INO80: variants seen among roughly 807,000 people sequenced by gnomAD.
INO80 encodes INO80 complex ATPase subunit.
In INO80, 20 loss-of-function variants were observed where a neutral mutation model predicts 203.4. That is an observed-to-expected ratio of 0.10 (90% CI 0.07 to 0.14). The LOEUF is 0.14. INO80 is among the 10% of genes least tolerant of loss of function. The pLI is 1.00. For synonymous variants in INO80, 726 were observed against 685.2 expected (o/e 1.06, Z -0.93); for missense variants, 1,419 against 1,914.4 (o/e 0.74, Z 4.83).
chr15:41,070,992 C>T (rs7173284), intron 12 of INO80, among the ~76,000 whole-genome samples: 4,206 of 152,214 alleles, frequency 0.028, 186 homozygotes, highest in African/African-American at 0.096. Flanking sequence ...AACATGGAGA[C>T]AGCCCGTTTC....
At chr15:40,995,320 G>A (rs2043867543) in intron 29 of INO80, among the ~76,000 whole-genome samples, 2 of 152,170 alleles carry the variant, frequency 1.3e-5, no homozygotes, top group Non-Finnish European at 2.9e-5. Context: ...TTCACCAGGT[G>A]GAAGAGGAGA....
At chr15:41,005,510 AT>A in intron 28 of INO80, 82 bp downstream of exon 28, 5 of 666,048 alleles carry the variant, frequency 7.5e-6, no homozygotes, top group Admixed American at 2.9e-5. Flanking sequence ...ATGTCCTGGC[AT>A]TTAAAAAAAA....
chr15:41,113,908 T>C (rs1409367477), intron 1 of INO80, among the ~76,000 whole-genome samples: 3 of 152,252 alleles, frequency 2.0e-5, no homozygotes, highest in African/African-American at 7.2e-5. Flanking sequence ...ATTGATTTGG[T>C]TTCTACTGAA....
intron 16 of INO80, 85 bp downstream of exon 16, chr15:41,058,554 T>TGTGTGTGTGTGTGTGC: frequency 1.0e-6 from 1 of 971,156 alleles, no homozygotes; most frequent in Non-Finnish European, 1.5e-6. Flanking sequence ...TACAAGTCTG[T>TGTGTGTGTGTGTGTGC]GTGTGTGTGT....
At chr15:41,114,747 C>T (rs2046005020) in intron 1 of INO80, among the ~76,000 whole-genome samples, 1 of 151,384 alleles carries the variant, frequency 6.6e-6, no homozygotes, top group Non-Finnish European at 1.5e-5. Flanking sequence ...CTGATACCTG[C>T]TACAACACGG....
chr15:41,030,186 T>G (rs941651580), intron 24 of INO80, among the ~76,000 whole-genome samples: 1 of 152,200 alleles, frequency 6.6e-6, no homozygotes, highest in African/African-American at 2.4e-5. Flanking sequence ...AATAAAAGAA[T>G]GAACATTTCC....
At chr15:41,026,423 C>T (rs752875805) in intron 25 of INO80, among the ~76,000 whole-genome samples, 6 of 151,708 alleles carry the variant, frequency 4.0e-5, no homozygotes, top group Middle Eastern at 3.4e-3. Flanking sequence ...AGCGGTGGTG[C>T]GCACCTGTAG....
intron 19 of INO80, among the ~76,000 whole-genome samples, chr15:41,053,305 C>G (rs1012799848): frequency 3.3e-5 from 5 of 152,080 alleles, no homozygotes; most frequent in Non-Finnish European, 7.4e-5. Flanking sequence ...CGGGGTTTCA[C>G]TGTGTTAGCC....
Position 41,070,551 on chromosome 15 carries a change from G to C in INO80, c.1606-4C>G. On this transcript the variant is annotated splice_region_variant and splice_polypyrimidine_tract_variant and intron_variant, in intron 12 of 35. Transcript: ENST00000648947. ...CAGCAAGAATGCCATTAATACCCTG[G>C]GGAAAAAAAATACATGGTCAACACC... 6.2e-7 allele frequency: 1 copy of C among 1,611,904 alleles called. No homozygotes were observed. The highest frequency in any genetic ancestry group is 1.7e-4 in the Middle Eastern group (1 of 6,058).
intron 29 of INO80, among the ~76,000 whole-genome samples, chr15:40,988,681 A>C (rs1449925983): frequency 1.3e-5 from 2 of 152,124 alleles, no homozygotes; most frequent in Non-Finnish European, 2.9e-5. Flanking sequence ...GGAGTTAGAG[A>C]CCAGCCTGGC....
chr15:41,037,107 A>G (rs1566922255), intron 24 of INO80, among the ~76,000 whole-genome samples: 1 of 151,892 alleles, frequency 6.6e-6, no homozygotes, highest in South Asian at 2.1e-4. Context: ...TATCTCAAAA[A>G]ACAAAACAAA....
intron 24 of INO80, among the ~76,000 whole-genome samples, chr15:41,033,802 A>G (rs1178801442): frequency 6.6e-6 from 1 of 152,210 alleles, no homozygotes; most frequent in Non-Finnish European, 1.5e-5. Context: ...CTGTAATCCC[A>G]GTACTCTGGG....
At chr15:41,064,410 C>T (rs1425510027) in intron 14 of INO80, among the ~76,000 whole-genome samples, 1 of 152,110 alleles carries the variant, frequency 6.6e-6, no homozygotes, top group East Asian at 1.9e-4. Flanking sequence ...GATAGGGTCT[C>T]GCCCTGTTGC....
chr15:41,065,771 A>C (rs2045199432), intron 14 of INO80, among the ~76,000 whole-genome samples: 1 of 152,192 alleles, frequency 6.6e-6, no homozygotes, highest in Middle Eastern at 3.2e-3. Flanking sequence ...TCAGTAAAAG[A>C]AGCCAGACAG....
intron 14 of INO80, among the ~76,000 whole-genome samples, chr15:41,064,140 T>C (rs554302647): frequency 2.6e-5 from 4 of 152,276 alleles, no homozygotes; most frequent in South Asian, 4.1e-4. Flanking sequence ...TTAACAAACT[T>C]TGACCTAAAT....
intron 24 of INO80, among the ~76,000 whole-genome samples, chr15:41,040,253 G>A (rs767618787): frequency 2.0e-5 from 3 of 152,038 alleles, no homozygotes; most frequent in Admixed American, 6.6e-5. Context: ...ATGAATACAC[G>A]AAGGGCTAAG....
intron 14 of INO80, 163 bp downstream of exon 14, chr15:41,069,407 T>A (rs1012855672): frequency 6.1e-5 from 29 of 478,856 alleles, no homozygotes; most frequent in Non-Finnish European, 9.9e-5. Flanking sequence ...CCTGACCTCG[T>A]GATCCACCCA....
chr15:41,111,817 AC>A (rs1226994940), intron 1 of INO80, among the ~76,000 whole-genome samples: 1 of 151,792 alleles, frequency 6.6e-6, no homozygotes, highest in African/African-American at 2.4e-5. Flanking sequence ...AAAAAAAAAA[AC>A]GTTTTTGCGG....
At chr15:41,072,660 A>AG (rs1205653298) in intron 11 of INO80, among the ~76,000 whole-genome samples, 6 of 150,154 alleles carry the variant, frequency 4.0e-5, no homozygotes, top group African/African-American at 7.3e-5. Flanking sequence ...AAAAAAAAAA[A>AG]GAATAAATAA....
Sources: gnomAD v4.1 joint callset for allele counts (sites outside exome capture counted in the v4.1 genomes callset) on GRCh38, gnomAD v4.1.1 for gene constraint, MANE v1.5 for transcripts, NCBI Gene and HGNC (gene_info 2026-07-23, HGNC 2026-07-21) for gene names.